FLCN: variants seen among roughly 807,000 people sequenced by gnomAD.
The protein encoded by FLCN is folliculin.
In FLCN, 22 loss-of-function variants were observed where a neutral mutation model predicts 62.5. The observed-to-expected ratio is 0.35, with a 90% CI of 0.25 to 0.50. The LOEUF is 0.50. Among genes scored for constraint, FLCN ranks in the 20% least tolerant of loss-of-function variants. FLCN has a pLI of 0.97. For missense variants in FLCN, 657 were observed against 778.0 expected, an observed-to-expected ratio of 0.84 and a Z score of 1.85; for synonymous variants, 319 against 310.0, an observed-to-expected ratio of 1.03 and a Z score of -0.30.
At chr17:17,233,478 A>G (rs1555612812) in intron 1 of FLCN, among the ~76,000 whole-genome samples, 1 of 151,196 alleles carries the variant, frequency 6.6e-6, no homozygotes, top group Non-Finnish European at 1.5e-5. Context: ...AGGCGCCTAT[A>G]GTCCCAGCTA....
Position 17,215,452 on chromosome 17 carries a change from A to G in FLCN, c.1301-136T>C, listed in dbSNP as rs1303928177. 3.7e-6 allele frequency: 5 copies of G among 1,367,446 alleles called. No homozygotes were observed. In the Admixed American group the frequency reaches 5.2e-5, roughly 14 times the overall value. The allele number at this position is 1,367,446 out of a possible 1,614,324, so 84.7% of individuals were successfully genotyped here. A position where few individuals can be genotyped will look rare whatever the true frequency, so the allele number is the denominator to read the frequency against. On this transcript the variant is annotated intron_variant, in intron 11 of 13. Transcript: ENST00000285071. Reference sequence around the variant, plus strand: ...GCTGGTGAAAAGACTGGCCCAAATCAATGCTTTGGTATTTAAAACCTTTCA... The same window carrying G: ...GCTGGTGAAAAGACTGGCCCAAATCGATGCTTTGGTATTTAAAACCTTTCA...
intron 13 of FLCN, among the ~76,000 whole-genome samples, chr17:17,214,142 GAAGA>G (rs10681411): frequency 6.6e-5 from 10 of 151,846 alleles, no homozygotes; most frequent in Non-Finnish European, 1.3e-4. Flanking sequence ...AAGACGCCAA[GAAGA>G]AAGAAAAACC....
chr17:17,226,649 C>T (rs2047257806), intron 4 of FLCN, among the ~76,000 whole-genome samples: 1 of 152,134 alleles, frequency 6.6e-6, no homozygotes, highest in South Asian at 2.1e-4. Flanking sequence ...CCCCATTCTA[C>T]AGAAGACAAA....
In FLCN at chr17:17,222,611, G is replaced by A. The variant is rs938971627; in HGVS notation, c.669C>T (p.Asn223=). The A allele has an allele frequency of 6.2e-7, 1 of 1,614,228 alleles. No individual in the cohort carries two copies. Among genetic ancestry groups the A allele is most frequent in the Non-Finnish European group, 8.5e-7 (1 of 1,180,044 alleles). ...FGCPQRAQRM[N]TAFTPFLHQR... is the part of the protein sequence containing the mutation. ...GGTGTAGGAATGGCGTGAAGGCTGT[G>A]TTCATCCTCTGAGCACGCTGTGGGC... Residue 223 remains asparagine, a synonymous_variant, in exon 7 of 14, where the codon AAC becomes AAT. Coordinates refer to ENST00000285071, the MANE Select transcript of FLCN (RefSeq NM_144997.7).
chr17:17,223,780 C>A, intron 6 of FLCN, 142 bp downstream of exon 6: 1 of 863,662 alleles, frequency 1.2e-6, no homozygotes. Context: ...AGCTCTGAAG[C>A]CAAGAGACTA....
rs1261069493 is a variant in FLCN, at chr17:17,219,033, G to A, written c.1048C>T (p.Arg350Trp). ...CTGCCGCCTACCTGCCTCATGTGCC[G>A]GAGGGACTTGAAGACTGGCAGCTTC... ...PRKLPVFKSL[R>W]HMRQVLGAPS... The change falls in exon 9 of 14, where the codon CGG becomes TGG. Residue 350 changes from arginine (R) to tryptophan (W), a missense_variant. By Grantham distance (101) the Arg-to-Trp change is moderately radical. Transcript: ENST00000285071. 2.0e-5 allele frequency: 32 copies of A among 1,613,650 alleles called. No homozygotes were observed. The highest frequency in any genetic ancestry group is 5.3e-5 in the African/African-American group (4 of 74,918).
chr17:17,223,089 T>C, intron 6 of FLCN: 5 of 299,728 alleles, frequency 1.7e-5, no homozygotes, highest in South Asian at 1.6e-4. Flanking sequence ...AGGAGCAACA[T>C]TTTTTCCTTT....
chr17:17,222,894 C>T (rs1357360895), intron 6 of FLCN: 1 of 572,512 alleles, frequency 1.7e-6, no homozygotes, highest in African/African-American at 1.8e-5. Context: ...TTCTCCTGTC[C>T]CCTTCCTAAT....
In FLCN at chr17:17,215,162, A is replaced by T. The variant is rs1399356948; in HGVS notation, c.1432+23T>A. The T allele has an allele frequency of 1.2e-6, 2 of 1,614,040 alleles. No homozygotes were observed. The highest frequency in any genetic ancestry group is 3.3e-4 in the Middle Eastern group (2 of 6,062). The stretch of plus-strand genomic sequence containing the variant: ...GCGGGGGCATCTTCTCACAAAAAGG[A>T]CACTCTGCCTGGGGGCACCCACCTC... On this transcript the variant is annotated intron_variant, in intron 12 of 13. Coordinates refer to ENST00000285071, the MANE Select transcript of FLCN (RefSeq NM_144997.7).
intron 6 of FLCN, 65 bp downstream of exon 6, chr17:17,223,857 C>T: frequency 1.3e-6 from 2 of 1,559,834 alleles, no homozygotes; most frequent in Non-Finnish European, 1.8e-6. Context: ...GCCTCAACCT[C>T]AGCACAGAGC....
At chr17:17,225,922 A>G in intron 5 of FLCN, 1 of 630,814 alleles carries the variant, frequency 1.6e-6, no homozygotes, top group East Asian at 2.9e-5. Context: ...AAGAAAGGAC[A>G]AATAATAAAA....
At chr17:17,222,686 C>A in intron 6 of FLCN, 25 bp from the exon 7 acceptor site, 8 of 1,614,066 alleles carry the variant, frequency 5.0e-6, no homozygotes, top group Non-Finnish European at 5.9e-6. Context: ...GAAGGGATGG[C>A]CTCTTTAAGC....
At chr17:17,234,204 T>G (rs1195624549) in intron 1 of FLCN, among the ~76,000 whole-genome samples, 2 of 140,086 alleles carry the variant, frequency 1.4e-5, no homozygotes, top group African/African-American at 2.8e-5. Context: ...CACTGTTTTG[T>G]TTTTTTTTGG....
In FLCN at chr17:17,223,786, G is replaced by C. The variant is rs116747558; in HGVS notation, c.618+136C>G. The C allele has an allele frequency of 4.1e-3, 3,645 of 890,474 alleles. 80 individuals carry two copies. The African/African-American group carries it at 0.052, about 13-fold the overall frequency. The allele number at this position is 890,474 out of a possible 1,614,324, so 55.2% of individuals were successfully genotyped here. ...ACGACCTCCAGCTCTGAAGCCAAGA[G>C]ACTACAATTCACACAGTGCACTGGC... On this transcript the variant is annotated intron_variant, in intron 6 of 13. Coordinates refer to ENST00000285071, the MANE Select transcript of FLCN (RefSeq NM_144997.7).
Position 17,228,109 on chromosome 17 carries a change from A to T in FLCN, c.29T>A (p.Phe10Tyr). 1 of 1,613,276 alleles carries T rather than the reference A, an allele frequency of 6.2e-7. No homozygotes were observed. The highest frequency in any genetic ancestry group is 8.5e-7 in the Non-Finnish European group (1 of 1,180,028). Reference protein sequence around the residue: MNAIVALCHFCELHGPRTLF... With the variant: MNAIVALCHYCELHGPRTLF... ...AGTGCGGGGGCCGTGGAGCTCGCAG[A>T]AGTGGCAGAGAGCCACGATGGCATT... Residue 10 changes from phenylalanine to tyrosine, a missense_variant, in exon 4 of 14, where the codon TTC becomes TAC. By Grantham distance (22) the Phe-to-Tyr change is conservative. Transcript: ENST00000285071.
chr17:17,213,907 G>A (rs2144814417), intron 13 of FLCN, 51 bp from the exon 14 acceptor site: 1 of 1,602,148 alleles, frequency 6.2e-7, no homozygotes, highest in Non-Finnish European at 8.5e-7. Flanking sequence ...AATCCCTCGA[G>A]CCCTGGTCAC....
intron 7 of FLCN, among the ~76,000 whole-genome samples, 174 bp downstream of exon 7, chr17:17,222,327 G>C (rs1226260047): frequency 6.6e-6 from 1 of 152,160 alleles, no homozygotes; most frequent in Non-Finnish European, 1.5e-5. Flanking sequence ...TACAGAACAA[G>C]GACTCCCAGC....
chr17:17,225,936 C>A (rs544014463), intron 5 of FLCN: 4 of 645,924 alleles, frequency 6.2e-6, no homozygotes, highest in African/African-American at 3.7e-5. Context: ...AATAAAAGTT[C>A]GGTGCTTAAA....
At position 17,215,036 on chromosome 17, in the gene FLCN, G is replaced by C. The variant is rs750535468; in HGVS notation, c.1487C>G (p.Ser496Cys). 6 of 1,614,218 alleles carry C rather than the reference G, an allele frequency of 3.7e-6. No individual in the cohort carries two copies. The Admixed American group carries it at 1.0e-4, about 27-fold the overall frequency. The change falls in exon 13 of 14, where the codon TCT becomes TGT. Residue 496 changes from serine (S) to cysteine (C), a missense_variant. Ser to Cys is a moderately radical substitution (Grantham distance 112). Transcript: ENST00000285071. ...GAGGCACTGGTCCACCACATCCACA[G>C]ACAGGTTCTGGTTGGTCAGAGCCGC... ...IEAALTNQNL[S>C]VDVVDQCLVC...
Sources: gnomAD v4.1 joint callset for allele counts (sites outside exome capture counted in the v4.1 genomes callset) on GRCh38, gnomAD v4.1.1 for gene constraint, MANE v1.5 for transcripts, NCBI Gene and HGNC (gene_info 2026-07-23, HGNC 2026-07-21) for gene names.